Variants in MYO15A observed in about 807,000 individuals in gnomAD.
MYO15A encodes the protein myosin XVA.
In MYO15A, 308 loss-of-function variants were observed where a neutral mutation model predicts 394.6. That is an observed-to-expected ratio of 0.78 (90% CI 0.71 to 0.86). MYO15A has a LOEUF of 0.86. MYO15A is among the 40% of genes least tolerant of loss of function. The probability of loss-of-function intolerance (pLI) is 0.00; values close to 1 mark genes in which losing one functional copy is unlikely to be tolerated. For synonymous variants in MYO15A, 1,957 were observed against 2,003.8 expected, an observed-to-expected ratio of 0.98 and a Z score of 0.62; for missense variants, 4,606 against 4,799.1, an observed-to-expected ratio of 0.96 and a Z score of 1.19.
At chr17:18,168,320 C>T (rs2046885578) in intron 62 of MYO15A, among the ~76,000 whole-genome samples, 1 of 151,882 alleles carries the variant, frequency 6.6e-6, no homozygotes, top group Non-Finnish European at 1.5e-5. Flanking sequence ...AATCCCAGCA[C>T]TTTGAGAGGC....
rs1487259594 is a variant in MYO15A, at chr17:18,122,342, C to T, written c.3542C>T (p.Pro1181Leu). 1.9e-6 allele frequency: 3 copies of T among 1,612,928 alleles called. No homozygotes were observed. In the East Asian group the frequency reaches 6.7e-5, roughly 36 times the overall value. Reference sequence around the variant, plus strand: ...CATCCCCAGTCCTGCCACCTGGGCCCTGGAGCTGCCTGCCTGTCCCTTAGG... The same window carrying T: ...CATCCCCAGTCCTGCCACCTGGGCCTTGGAGCTGCCTGCCTGTCCCTTAGG... ...HTHPQSCHLG[P>L]GAACLSLRGS... Residue 1181 changes from proline (P) to leucine (L), a missense_variant, in exon 2 of 66, where the codon CCT (proline) becomes CTT (leucine). Physicochemically the swap from Pro to Leu is moderately conservative, Grantham distance 98. This residue lies in a region of MYO15A where 2,776 missense variants were observed against 3,109.3 expected (regional missense o/e 0.89). Transcript: ENST00000647165.
At chr17:18,112,416 G>C (rs1356624891) in intron 1 of MYO15A, among the ~76,000 whole-genome samples, 3 of 151,850 alleles carry the variant, frequency 2.0e-5, no homozygotes, top group African/African-American at 7.3e-5. Context: ...GGTCGTGGGG[G>C]ACAGGGTCTC....
Position 18,130,823 on chromosome 17 carries a change from T to TGG in MYO15A, c.4038+14_4038+15insGG. On this transcript the variant is annotated intron_variant, in intron 8 of 65. Transcript: ENST00000647165. ...CTTGAAGATAAAGGTACTCAGTGTG[T>TGG]GTGTGTGTGTGTGTGTGTGTGTGTG... 9.9e-7 allele frequency: 1 copy of TGG among 1,007,560 alleles called. No homozygotes were observed. The highest frequency in any genetic ancestry group is 1.4e-6 in the Non-Finnish European group (1 of 732,368). The allele number at this position is 1,007,560 out of a possible 1,614,324, so 62.4% of individuals were successfully genotyped here. A position where few individuals can be genotyped will look rare whatever the true frequency, so the allele number is the denominator to read the frequency against.
rs964336018 is a variant in MYO15A, at chr17:18,120,521, G to C, written c.1721G>C (p.Arg574Pro). 48 of 1,588,568 alleles carry C rather than the reference G, an allele frequency of 3.0e-5. No homozygotes were observed. Among genetic ancestry groups the C allele is most frequent in the Non-Finnish European group, 3.9e-5 (46 of 1,170,618 alleles). The stretch of plus-strand genomic sequence containing the variant: ...CCTCGCCCTGCCACCTCGCTTGCGC[G>C]GTTCCTCAAGAAGACGCTGTCGGAG... The part of the protein sequence containing the change: ...PVPRPATSLA[R>P]FLKKTLSEKK... Residue 574 changes from arginine to proline, a missense_variant, in exon 2 of 66, where the codon CGG becomes CCG. By Grantham distance (103) the Arg-to-Pro change is moderately radical. Transcript: ENST00000647165.
chr17:18,169,228 C>T (rs895017490), intron 62 of MYO15A, among the ~76,000 whole-genome samples: 6 of 151,466 alleles, frequency 4.0e-5, no homozygotes, highest in Admixed American at 6.6e-5. Flanking sequence ...GCGTGGATCA[C>T]CTGAGGTCAG....
rs370953701 is a variant in MYO15A at position 18,167,629 on chromosome 17, C to G, written c.9988C>G (p.Pro3330Ala). Residue 3330 changes from proline (P) to alanine (A), a missense_variant, in exon 62 of 66, where the codon CCG becomes GCG. Physicochemically the swap from Pro to Ala is conservative, Grantham distance 27. Transcript: ENST00000647165. ...DYLKGLFSSVPASRPSEQLLQ... is the reference protein window; with the variant it reads ...DYLKGLFSSVAASRPSEQLLQ... Reference sequence around the variant, plus strand: ...CCTGAAGGGACTCTTCAGCAGTGTGCCGGCCAGCCGGCCCAGCGAGCAGCT... The same window carrying G: ...CCTGAAGGGACTCTTCAGCAGTGTGGCGGCCAGCCGGCCCAGCGAGCAGCT... The G allele has an allele frequency of 1.8e-5, 29 of 1,603,462 alleles. No individual in the cohort carries two copies. The highest frequency in any genetic ancestry group is 2.2e-5 in the Non-Finnish European group (26 of 1,179,916).
chr17:18,126,717 A>G, intron 5 of MYO15A, 74 bp from the exon 6 acceptor site: 1 of 1,501,538 alleles, frequency 6.7e-7, no homozygotes. Flanking sequence ...CTGGATACGG[A>G]TGCTCCCTGC....
rs756009133 is a variant in MYO15A at position 18,131,519 on chromosome 17, G to T, written c.4194G>T (p.Arg1398Ser). 6.2e-7 allele frequency: 1 copy of T among 1,613,944 alleles called. No individual in the cohort carries two copies. Among genetic ancestry groups the T allele is most frequent in the Admixed American group, 1.7e-5 (1 of 60,006 alleles). ...ITSQYLLEKS[R>S]IVFQAKNERN... ...CCCAGTACCTGCTTGAGAAATCCAG[G>T]ATCGTGTTTCAGGTGGGCCACCCCC... Residue 1398 changes from arginine (R) to serine (S), a missense_variant, in exon 10 of 66, where the codon AGG becomes AGT. By Grantham distance (110) the Arg-to-Ser change is moderately radical (BLOSUM62 -1). This residue lies in a region of MYO15A where 2,776 missense variants were observed against 3,109.3 expected (regional missense o/e 0.89). Coordinates refer to ENST00000647165, the MANE Select transcript of MYO15A (RefSeq NM_016239.4).
intron 30 of MYO15A, among the ~76,000 whole-genome samples, chr17:18,146,918 C>T (rs527395092): frequency 6.6e-6 from 1 of 152,130 alleles, no homozygotes; most frequent in East Asian, 1.9e-4. Context: ...AGAGCAAGAC[C>T]CTGTCTGATG....
In MYO15A at chr17:18,138,247, G is replaced by C. The variant is rs1259460916; in HGVS notation, c.5007+1G>C. The C allele has an allele frequency of 1.9e-6, 3 of 1,612,036 alleles. No homozygotes were observed. The highest frequency in any genetic ancestry group is 2.7e-5 in the African/African-American group (2 of 74,926). On this transcript the variant is annotated splice_donor_variant, in intron 17 of 65. Transcript: ENST00000647165. LOFTEE classifies it high-confidence loss of function. ...TGACGACCAGTGTTGCTTTCCCCAGGTGAGCCGCAGGCACTGTGTGAGCCT... is the reference window on the plus strand; with the variant it reads ...TGACGACCAGTGTTGCTTTCCCCAGCTGAGCCGCAGGCACTGTGTGAGCCT...
At chr17:18,130,025 G>A (rs560064633) in intron 7 of MYO15A, among the ~76,000 whole-genome samples, 12 of 152,184 alleles carry the variant, frequency 7.9e-5, no homozygotes, top group African/African-American at 1.4e-4. Flanking sequence ...GACTACAGGC[G>A]CCCACGACCA....
chr17:18,155,293 C>G (rs368923310), intron 46 of MYO15A, 21 bp from the exon 47 acceptor site: 1 of 1,613,522 alleles, frequency 6.2e-7, no homozygotes, highest in Non-Finnish European at 8.5e-7. Flanking sequence ...GATCCTCACA[C>G]GCCCTTCATC....
intron 19 of MYO15A, among the ~76,000 whole-genome samples, chr17:18,140,108 G>A (rs1186871959): frequency 2.0e-5 from 3 of 152,158 alleles, no homozygotes; most frequent in East Asian, 1.9e-4. Flanking sequence ...GCTACACTAC[G>A]GCCAGCAGAT....
Position 18,136,469 on chromosome 17 carries a change from A to G in MYO15A, c.4649A>G (p.Asp1550Gly). ...CCCCTAACTGTGGAGAGCGCTGTGG[A>G]TGCCAGGTGAGGCCACGCCCTCCCC... ...FTPLTVESAV[D>G]ARDAIAKVLY... Residue 1550 changes from aspartate to glycine, a missense_variant, in exon 14 of 66, where the codon GAT (aspartate) becomes GGT (glycine). Transcript: ENST00000647165. The G allele has an allele frequency of 1.2e-6, 2 of 1,613,792 alleles. No individual in the cohort carries two copies. The highest frequency in any genetic ancestry group is 1.7e-6 in the Non-Finnish European group (2 of 1,180,018).
At chr17:18,151,006 T>C (rs2046571524) in intron 38 of MYO15A, 93 bp downstream of exon 38, 1 of 1,606,776 alleles carries the variant, frequency 6.2e-7, no homozygotes, top group Admixed American at 1.7e-5. Context: ...TTGTGCCTCT[T>C]TGAGCCCAGG....
Position 18,155,150 on chromosome 17 carries a change from A to G in MYO15A, c.8265A>G (p.Glu2755=). 3.1e-6 allele frequency: 5 copies of G among 1,613,950 alleles called. No homozygotes were observed. Among genetic ancestry groups the G allele is most frequent in the Non-Finnish European group, 4.2e-6 (5 of 1,180,010 alleles). The change falls in exon 46 of 66, where the codon GAA becomes GAG. Residue 2755 remains glutamate (E), a synonymous_variant. Transcript: ENST00000647165. ...QLDTQKPLVT[E]SVKRAVVSTA... is the part of the protein sequence containing the mutation. ...ACACACAGAAGCCTCTGGTAACGGA[A>G]AGCGTGAAGCGGGCCGTGGTCAGCA...
intron 7 of MYO15A, among the ~76,000 whole-genome samples, chr17:18,129,804 A>G (rs1238289090): frequency 1.3e-5 from 2 of 152,202 alleles, no homozygotes; most frequent in Non-Finnish European, 2.9e-5. Context: ...AGGTGCTTAA[A>G]TAGGTGGGAG....
chr17:18,118,278 ACTTGGTGGGCTTTGGCCATCCCACC>A (rs1160656335), intron 1 of MYO15A, among the ~76,000 whole-genome samples: 2 of 152,068 alleles, frequency 1.3e-5, no homozygotes, highest in African/African-American at 4.8e-5. Context: ...CTCCAAGATG[ACTTGGTGGGCTTTGGCCATCCCACC>A]CTAGGCCCCA....
rs1207328913 is a variant in MYO15A, at chr17:18,150,391, A to G, written c.7213-38A>G. Reference sequence around the variant, plus strand: ...GTTGCCATGGAACCTTGGGAGTACAATAATGAGATGGTCACTTGAGCCACC... The same window carrying G: ...GTTGCCATGGAACCTTGGGAGTACAGTAATGAGATGGTCACTTGAGCCACC... On this transcript the variant is annotated intron_variant, in intron 35 of 65. Transcript: ENST00000647165. This position sits in a 1 kb window ranked among gnomAD's most constrained non-coding sequence, Gnocchi z 4.4. The G allele has an allele frequency of 6.3e-7, 1 of 1,587,566 alleles. No homozygotes were observed. Among genetic ancestry groups the G allele is most frequent in the Non-Finnish European group, 8.6e-7 (1 of 1,156,224 alleles).
Sources: allele counts gnomAD v4.1 joint callset (sites outside exome capture counted in the v4.1 genomes callset), GRCh38; gene constraint gnomAD v4.1.1; regional missense constraint gnomAD v4.1.1; non-coding constraint Gnocchi (gnomAD v3.1); transcripts MANE v1.5; gene names NCBI Gene and HGNC (gene_info 2026-07-23, HGNC 2026-07-21).